Variants in CAMKMT observed in about 807,000 individuals in gnomAD.
The protein encoded by CAMKMT is CaM KMT.
A neutral mutation model predicts 48.0 loss-of-function variants in CAMKMT; 53 were observed. That is an observed-to-expected ratio of 1.10 (90% CI 0.89 to 1.39). The LOEUF is 1.39. CAMKMT is among the 40% of genes most tolerant of loss of function. The pLI is 0.00. For missense variants in CAMKMT, 428 were observed against 402.7 expected (o/e 1.06, Z -0.54); for synonymous variants, 165 against 152.3 (o/e 1.08, Z -0.61).
At chr2:44,450,345 A>G (rs527481221) in intron 3 of CAMKMT, among the ~76,000 whole-genome samples, 3 of 152,272 alleles carry the variant, frequency 2.0e-5, no homozygotes, top group African/African-American at 7.2e-5. Context: ...ATATTTGTCC[A>G]GTCAGCTCTA....
At chr2:44,515,778 C>T (rs698781) in intron 3 of CAMKMT, among the ~76,000 whole-genome samples, 16,558 of 152,142 alleles carry the variant, frequency 0.11, 1,309 homozygotes, top group African/African-American at 0.22. Flanking sequence ...TTAGCTCTGT[C>T]TTCTTCTTTG....
intron 3 of CAMKMT, among the ~76,000 whole-genome samples, chr2:44,643,696 T>C (rs1241036168): frequency 6.6e-6 from 1 of 152,176 alleles, no homozygotes; most frequent in Non-Finnish European, 1.5e-5. Flanking sequence ...CAGAAAAAAA[T>C]TAAATATTGT....
intron 3 of CAMKMT, among the ~76,000 whole-genome samples, chr2:44,529,116 C>T (rs1666330554): frequency 6.6e-6 from 1 of 152,124 alleles, no homozygotes; most frequent in African/African-American, 2.4e-5. Context: ...TGATTTCTTT[C>T]CCTTTAACCG....
Position 44,372,830 on chromosome 2 carries a change from G to A in CAMKMT, c.253G>A (p.Val85Ile), listed in dbSNP as rs999961520. Reference protein sequence around the residue: ...EGKERETEEEVGAWVQYTSIF... With the variant: ...EGKERETEEEIGAWVQYTSIF... ...CAAAGAAAGGGAAACTGAAGAGGAG[G>A]TTGGTGCATGGGTCCAATATACAAG... Residue 85 changes from valine (V) to isoleucine (I), a missense_variant, in exon 2 of 11, where the codon GTT (valine) becomes ATT (isoleucine). Coordinates refer to ENST00000378494, the MANE Select transcript of CAMKMT (RefSeq NM_024766.5). 3 of 1,613,926 alleles carry A rather than the reference G, an allele frequency of 1.9e-6. No individual in the cohort carries two copies. Among genetic ancestry groups the A allele is most frequent in the African/African-American group, 2.7e-5 (2 of 75,028 alleles).
At chr2:44,415,926 G>T (rs939064927) in intron 3 of CAMKMT, among the ~76,000 whole-genome samples, 13 of 152,182 alleles carry the variant, frequency 8.5e-5, no homozygotes, top group Admixed American at 3.9e-4. Flanking sequence ...AAGGGAAATT[G>T]CTACTAATGT....
chr2:44,575,918 T>C (rs1334983742), intron 3 of CAMKMT, among the ~76,000 whole-genome samples: 1 of 152,062 alleles, frequency 6.6e-6, no homozygotes, highest in Non-Finnish European at 1.5e-5. Flanking sequence ...AGGTAGCCAC[T>C]AGGCAGTCCC....
rs555323355 is a variant in CAMKMT, at chr2:44,758,350, G to T, written c.762+4232G>T. Among the ~76,000 whole-genome samples the T allele has an allele frequency of 4.6e-5, 7 of 152,288 alleles. No individual in the cohort carries two copies. In the South Asian group the frequency reaches 6.2e-4, roughly 14 times the overall value. ...AGAGAGACCTTAGCCACCAGGGTGG[G>T]CTCCTTGCTTGGCCCAGGGGTGATG... On this transcript the variant is annotated intron_variant, in intron 9 of 10. Transcript: ENST00000378494.
At position 44,372,563 on chromosome 2, in the gene CAMKMT, A is replaced by C. The variant is rs535547643; in HGVS notation, c.139-153A>C. On this transcript the variant is annotated intron_variant, in intron 1 of 10. Transcript: ENST00000378494. ...CTTTAAAATATTTTGTTCATCTTTT[A>C]TAGTTATCTTCAGTAGGAGATATAT... Among the ~76,000 whole-genome samples, 2 of 152,050 alleles carry C rather than the reference A, an allele frequency of 1.3e-5. 1 individual carries two copies. Among genetic ancestry groups the C allele is most frequent in the South Asian group, 4.2e-4 (2 of 4,818 alleles).
chr2:44,493,937 GATAATAAA>G (rs1305528050), intron 3 of CAMKMT, among the ~76,000 whole-genome samples: 1 of 151,996 alleles, frequency 6.6e-6, no homozygotes, highest in African/African-American at 2.4e-5. Context: ...GCTACATTTG[GATAATAAA>G]AGCCATGGAT....
chr2:44,545,015 G>A (rs1000909551), intron 3 of CAMKMT, among the ~76,000 whole-genome samples: 5 of 152,112 alleles, frequency 3.3e-5, no homozygotes, highest in South Asian at 2.1e-4. Context: ...ATAATACACT[G>A]GTCCAAACAG....
At chr2:44,400,804 C>T (rs1682297257) in intron 3 of CAMKMT, 1 of 151,138 alleles carries the variant, frequency 6.6e-6, no homozygotes, top group South Asian at 2.1e-4. Flanking sequence ...ATTTTTGAAA[C>T]ATACTTATTT....
intron 3 of CAMKMT, among the ~76,000 whole-genome samples, chr2:44,611,387 C>T (rs1321460188): frequency 6.6e-6 from 1 of 151,382 alleles, no homozygotes; most frequent in Non-Finnish European, 1.5e-5. Context: ...GAGCCGAGAT[C>T]GTGCCATTGC....
chr2:44,426,741 A>T, intron 3 of CAMKMT, among the ~76,000 whole-genome samples: 1 of 152,208 alleles, frequency 6.6e-6, no homozygotes, highest in East Asian at 1.9e-4. Flanking sequence ...TAAAATGCCC[A>T]TACTGCCCAA....
intron 3 of CAMKMT, among the ~76,000 whole-genome samples, chr2:44,661,981 A>C (rs1245092819): frequency 6.6e-6 from 1 of 152,236 alleles, no homozygotes; most frequent in Non-Finnish European, 1.5e-5. Flanking sequence ...TCACCTAAAA[A>C]ATAGCTTGCC....
intron 3 of CAMKMT, among the ~76,000 whole-genome samples, chr2:44,608,116 AGGCTGGAGTGCAGTGGCAGCATC>A (rs1671395838): frequency 7.8e-6 from 1 of 128,186 alleles, no homozygotes; most frequent in Non-Finnish European, 1.6e-5. Context: ...TCCGTCGCCC[AGGCTGGAGTGCAGTGGCAGCATC>A]TCGGCTCACT....
At chr2:44,677,926 C>T (rs1015460987) in intron 3 of CAMKMT, among the ~76,000 whole-genome samples, 2 of 151,790 alleles carry the variant, frequency 1.3e-5, no homozygotes, top group Non-Finnish European at 2.9e-5. Context: ...GCATAACACC[C>T]AGTTAATGGT....
intron 7 of CAMKMT, among the ~76,000 whole-genome samples, chr2:44,721,865 G>GGGGAT (rs1678478864): frequency 6.6e-6 from 1 of 151,814 alleles, no homozygotes; most frequent in South Asian, 2.1e-4. Context: ...GGGGAGGGGA[G>GGGGAT]GGAAGGGGAG....
chr2:44,630,870 T>C (rs377324176), intron 3 of CAMKMT, among the ~76,000 whole-genome samples: 71 of 151,942 alleles, frequency 4.7e-4, no homozygotes, highest in Middle Eastern at 3.4e-3. Flanking sequence ...CTAGAAATAC[T>C]ATTTGACCCA....
At chr2:44,552,408 A>T (rs1210072408) in intron 3 of CAMKMT, among the ~76,000 whole-genome samples, 2 of 152,116 alleles carry the variant, frequency 1.3e-5, no homozygotes, top group Admixed American at 1.3e-4. Flanking sequence ...GACATGGAGG[A>T]TTTAAGAAAT....
Sources: allele counts gnomAD v4.1 joint callset (sites outside exome capture counted in the v4.1 genomes callset), GRCh38; gene constraint gnomAD v4.1.1; transcripts MANE v1.5; gene names NCBI Gene and HGNC (gene_info 2026-07-23, HGNC 2026-07-21).